The following ZNF804B variants were observed in gnomAD, a reference collection of about 807,000 sequenced individuals.
The protein encoded by ZNF804B is zinc finger 804B.
Under a neutral mutation model 101.4 loss-of-function variants are expected in ZNF804B, and 80 were observed. The ratio of observed to expected loss-of-function variants is 0.79; its 90% CI spans 0.66 to 0.95. The LOEUF is 0.95. Ranked by LOEUF, ZNF804B falls within the 40% of genes least tolerant of loss-of-function variation. The pLI is 0.00. For synonymous variants in ZNF804B, 622 were observed against 558.8 expected (o/e 1.11, Z -1.59); for missense variants, 1,673 against 1,561.9 (o/e 1.07, Z -1.20).
chr7:88,769,063 T>C (rs1237781691), intron 1 of ZNF804B, among the ~76,000 whole-genome samples: 1 of 152,222 alleles, frequency 6.6e-6, no homozygotes, highest in Admixed American at 6.5e-5. Context: ...TGTGTGTTGA[T>C]ATGTGTGCAT....
intron 1 of ZNF804B, among the ~76,000 whole-genome samples, chr7:89,125,878 G>A (rs1459207242): frequency 6.6e-6 from 1 of 152,026 alleles, no homozygotes. Flanking sequence ...TTTTATGCCA[G>A]ATATATATTT....
intron 1 of ZNF804B, among the ~76,000 whole-genome samples, chr7:89,115,916 C>CT (rs755212942): frequency 5.5e-5 from 5 of 90,688 alleles, no homozygotes; most frequent in African/African-American, 1.3e-4. Flanking sequence ...TTTTTTTTTT[C>CT]TTTTTTTTGA....
chr7:88,854,527 TTTCC>T (rs1207265464), intron 1 of ZNF804B, among the ~76,000 whole-genome samples: 2,106 of 39,758 alleles, frequency 0.053, 144 homozygotes, highest in Middle Eastern at 0.085. Context: ...CTTTCCTTCC[TTTCC>T]TTCCTTCCTT....
At chr7:88,911,051 G>C (rs1442611399) in intron 1 of ZNF804B, among the ~76,000 whole-genome samples, 4 of 151,982 alleles carry the variant, frequency 2.6e-5, no homozygotes, top group Non-Finnish European at 5.9e-5. Flanking sequence ...AATGTGATTT[G>C]TTGTTTTCAA....
chr7:88,777,553 C>T (rs978416256), intron 1 of ZNF804B, among the ~76,000 whole-genome samples: 1 of 152,068 alleles, frequency 6.6e-6, no homozygotes, highest in Admixed American at 6.6e-5. Context: ...TATAAGATTG[C>T]AGAAACTGGC....
At chr7:89,030,477 G>A (rs73204310) in intron 1 of ZNF804B, among the ~76,000 whole-genome samples, 307 of 152,010 alleles carry the variant, frequency 2.0e-3, no homozygotes, top group Non-Finnish European at 3.0e-3. Flanking sequence ...AAAAAAACAA[G>A]ATGAAAACAT....
At chr7:88,788,175 C>T (rs1790330418) in intron 1 of ZNF804B, among the ~76,000 whole-genome samples, 1 of 151,910 alleles carries the variant, frequency 6.6e-6, no homozygotes, top group African/African-American at 2.4e-5. Flanking sequence ...CTTGAGAAGG[C>T]CCTGCATGAG....
chr7:88,955,503 A>T (rs1382186984), intron 1 of ZNF804B, among the ~76,000 whole-genome samples: 1 of 151,714 alleles, frequency 6.6e-6, no homozygotes, highest in Non-Finnish European at 1.5e-5. Context: ...ACTTTTCTGT[A>T]ATCCAAATCC....
chr7:88,877,058 T>TGAAAAAAAAAATATATATATA (rs1791963923), intron 1 of ZNF804B, among the ~76,000 whole-genome samples: 1 of 66,208 alleles, frequency 1.5e-5, no homozygotes, highest in Non-Finnish European at 2.7e-5. Context: ...TATTTTTTTT[T>TGAAAAAAAAAATATATATATA]TTTTTTTTTT....
chr7:88,831,372 ATGT>A (rs1791130025), intron 1 of ZNF804B, among the ~76,000 whole-genome samples: 1 of 151,950 alleles, frequency 6.6e-6, no homozygotes, highest in South Asian at 2.1e-4. Context: ...CTATGGTAAA[ATGT>A]TGCCATATTT....
intron 1 of ZNF804B, among the ~76,000 whole-genome samples, chr7:88,762,996 C>T (rs1228597761): frequency 6.6e-6 from 1 of 152,042 alleles, no homozygotes; most frequent in East Asian, 1.9e-4. Context: ...TACTTTCTAC[C>T]TCTGCTACAG....
chr7:88,924,218 C>T (rs960832293), intron 1 of ZNF804B, among the ~76,000 whole-genome samples: 7 of 152,018 alleles, frequency 4.6e-5, no homozygotes, highest in Admixed American at 2.6e-4. Context: ...ATTCTAAATG[C>T]TGTTAATGAT....
chr7:89,063,191 G>C (rs1165009604), intron 1 of ZNF804B, among the ~76,000 whole-genome samples: 2 of 152,044 alleles, frequency 1.3e-5, no homozygotes, highest in African/African-American at 4.8e-5. Context: ...ATACAAAATT[G>C]CTGGTCAAAC....
chr7:89,168,667 T>C (rs540055472), intron 1 of ZNF804B, among the ~76,000 whole-genome samples: 1 of 148,080 alleles, frequency 6.8e-6, no homozygotes, highest in East Asian at 2.0e-4. Context: ...GAATCCCTTG[T>C]AGTAGAGCTG....
chr7:89,299,200 T>A (rs1790438667), intron 2 of ZNF804B, among the ~76,000 whole-genome samples: 2 of 152,086 alleles, frequency 1.3e-5, no homozygotes, highest in Admixed American at 1.3e-4. Context: ...CAGTTTTTAA[T>A]CACAAACTTA....
At chr7:88,894,417 GGTCAGGCTGGTCTTAAACT>G (rs1018311706) in intron 1 of ZNF804B, among the ~76,000 whole-genome samples, 26 of 151,924 alleles carry the variant, frequency 1.7e-4, no homozygotes, top group African/African-American at 6.3e-4. Context: ...TCACCATGTT[GGTCAGGCTGGTCTTAAACT>G]CCTGACCTTA....
chr7:88,808,192 G>A lies in ZNF804B; in HGVS notation c.108+48108G>A, dbSNP rs777867592. 2.6e-4 allele frequency among the ~76,000 whole-genome samples: 39 copies of A among 152,138 alleles called. 1 individual carries two copies. The highest frequency in any genetic ancestry group is 3.4e-4 in the Non-Finnish European group (23 of 67,968). On this transcript the variant is annotated intron_variant, in intron 1 of 3. Coordinates refer to ENST00000333190, the MANE Select transcript of ZNF804B (RefSeq NM_181646.5). ...GGATCACCTGAGGTCAGGAGTTTGA[G>A]ACCCGTCTGGCCAACATGGTGAAAA...
intron 1 of ZNF804B, among the ~76,000 whole-genome samples, chr7:89,014,923 CCA>C (rs1455739123): frequency 6.6e-6 from 1 of 152,112 alleles, no homozygotes; most frequent in Non-Finnish European, 1.5e-5. Flanking sequence ...AAACCTTTTC[CCA>C]GACCGATGTT....
At chr7:89,299,087 C>A (rs1278640024) in intron 2 of ZNF804B, among the ~76,000 whole-genome samples, 1 of 152,004 alleles carries the variant, frequency 6.6e-6, no homozygotes, top group Non-Finnish European at 1.5e-5. Flanking sequence ...TTCCATCCTT[C>A]TTTTCACCTC....
Sources: gnomAD v4.1 joint callset for allele counts (sites outside exome capture counted in the v4.1 genomes callset) on GRCh38, gnomAD v4.1.1 for gene constraint, MANE v1.5 for transcripts, NCBI Gene and HGNC (gene_info 2026-07-23, HGNC 2026-07-21) for gene names.